The following FAM83D variants were observed in gnomAD, a reference collection of about 807,000 sequenced individuals.
FAM83D encodes scaffolding CK1 anchoring protein D.
Under a neutral mutation model 25.4 loss-of-function variants are expected in FAM83D, and 26 were observed. The ratio of observed to expected loss-of-function variants is 1.02; its 90% CI spans 0.75 to 1.42. FAM83D has a LOEUF of 1.42. Among genes scored for constraint, FAM83D ranks in the 40% most tolerant of loss-of-function variants. The pLI, the probability that FAM83D is intolerant of heterozygous loss-of-function variation, is 0.00. For synonymous variants in FAM83D, 310 were observed against 318.5 expected (o/e 0.97, Z 0.28); for missense variants, 740 against 758.1 (o/e 0.98, Z 0.28).
chr20:38,927,606 C>T (rs552878805), intron 1 of FAM83D, among the ~76,000 whole-genome samples: 1 of 149,392 alleles, frequency 6.7e-6, no homozygotes, highest in Non-Finnish European at 1.5e-5. Context: ...TCAAGTGACT[C>T]TCCTGCCTCA....
At chr20:38,943,024 C>CTTT (rs112144207) in intron 2 of FAM83D, among the ~76,000 whole-genome samples, 2 of 141,788 alleles carry the variant, frequency 1.4e-5, no homozygotes, top group East Asian at 2.0e-4. Context: ...CTGCTCCATG[C>CTTT]TTTTTTTTTT....
intron 3 of FAM83D, among the ~76,000 whole-genome samples, chr20:38,951,059 A>G (rs2085751496): frequency 6.6e-6 from 1 of 152,116 alleles, no homozygotes; most frequent in Non-Finnish European, 1.5e-5. Context: ...CTGACCTCAA[A>G]GGATCTGCCC....
In FAM83D at chr20:38,952,775, A is replaced by T. The variant is rs1436559618; in HGVS notation, c.*255A>T. 2.0e-6 allele frequency: 1 copy of T among 499,528 alleles called. No homozygotes were observed. Among genetic ancestry groups the T allele is most frequent in the African/African-American group, 1.9e-5 (1 of 51,988 alleles). The allele number at this position is 499,528 out of a possible 1,614,324, so 30.9% of individuals were successfully genotyped here. ...TGCACAATTTTAATAGTCATGCACTACATAATGATGTTTTGGTCAATGACA... is the reference window on the plus strand; with the variant it reads ...TGCACAATTTTAATAGTCATGCACTTCATAATGATGTTTTGGTCAATGACA... On this transcript the variant is annotated 3_prime_UTR_variant, in exon 4 of 4. Coordinates refer to ENST00000619850, the MANE Select transcript of FAM83D (RefSeq NM_030919.3).
chr20:38,943,025 T>A (rs555009812), intron 2 of FAM83D, among the ~76,000 whole-genome samples: 1 of 67,682 alleles, frequency 1.5e-5, no homozygotes, highest in Non-Finnish European at 3.3e-5. Context: ...TGCTCCATGC[T>A]TTTTTTTTTT....
chr20:38,948,569 G>A (rs2085739636), intron 3 of FAM83D, among the ~76,000 whole-genome samples: 2 of 152,248 alleles, frequency 1.3e-5, no homozygotes, highest in Non-Finnish European at 2.9e-5. Context: ...CAGGAAGGTT[G>A]AAGAGAGGGT....
At chr20:38,938,542 C>T (rs1424970840) in intron 1 of FAM83D, among the ~76,000 whole-genome samples, 4 of 152,204 alleles carry the variant, frequency 2.6e-5, no homozygotes, top group Non-Finnish European at 5.9e-5. Context: ...CTTTAGCTTT[C>T]TCCTGTGAGC....
chr20:38,926,823 C>T lies in FAM83D; in HGVS notation c.381C>T (p.Gly127=). The T allele has an allele frequency of 6.5e-7, 1 of 1,536,426 alleles. No homozygotes were observed. The highest frequency in any genetic ancestry group is 2.4e-5 in the East Asian group (1 of 40,834). ...CCTTCTACCAGGGCGCCTACCGCGG[C>T]GCCACGCGTGTCGAGACGCACTTCC... ...WPAFYQGAYR[G]ATRVETHFQP... Residue 127 remains glycine, a synonymous_variant, in exon 1 of 4, where the codon GGC becomes GGT. Transcript: ENST00000619850.
At chr20:38,951,443 G>A in intron 3 of FAM83D, 96 bp from the exon 4 acceptor site, 1 of 1,385,528 alleles carries the variant, frequency 7.2e-7, no homozygotes, top group Non-Finnish European at 9.7e-7. Flanking sequence ...ACCCTTATGT[G>A]GTAAGATACC....
chr20:38,951,619 A>G lies in FAM83D; in HGVS notation c.857A>G (p.Glu286Gly). ...CAAGTGGTTGAACACTTTGATCTGG[A>G]GTTCCGAATCCTGTATGCCCAGTCC... Reference protein sequence around the residue: ...SGQVVEHFDLEFRILYAQSKP... With the variant: ...SGQVVEHFDLGFRILYAQSKP... The change falls in exon 4 of 4, where the codon GAG becomes GGG. Residue 286 changes from glutamate (E) to glycine (G), a missense_variant. Glu to Gly is a moderately conservative substitution (Grantham distance 98). Coordinates refer to ENST00000619850, the MANE Select transcript of FAM83D (RefSeq NM_030919.3). 1 of 1,614,200 alleles carries G rather than the reference A, an allele frequency of 6.2e-7. No individual in the cohort carries two copies. Among genetic ancestry groups the G allele is most frequent in the Non-Finnish European group, 8.5e-7 (1 of 1,180,034 alleles).
Position 38,933,425 on chromosome 20 carries a change from C to T in FAM83D, c.483+6500C>T, listed in dbSNP as rs76282572. On this transcript the variant is annotated intron_variant, in intron 1 of 3. Transcript: ENST00000619850. Reference sequence around the variant, plus strand: ...GATGGCAAACTTATCTATTTTACCACAATAAAAAAATGTCTCCAGACATTG... The same window carrying T: ...GATGGCAAACTTATCTATTTTACCATAATAAAAAAATGTCTCCAGACATTG... Among the ~76,000 whole-genome samples, 1,063 of 152,268 alleles carry T rather than the reference C, an allele frequency of 7.0e-3. 11 individuals carry two copies. Among genetic ancestry groups the T allele is most frequent in the African/African-American group, 0.019 (809 of 41,542 alleles).
chr20:38,947,777 C>G, intron 2 of FAM83D, 99 bp from the exon 3 acceptor site: 1 of 1,410,174 alleles, frequency 7.1e-7, no homozygotes, highest in Non-Finnish European at 9.7e-7. Flanking sequence ...ATAATTATAT[C>G]TGGGAATTGT....
At position 38,952,496 on chromosome 20, in the gene FAM83D, A is replaced by G; in HGVS notation, c.1734A>G (p.Val578=). 1 of 1,613,868 alleles carries G rather than the reference A, an allele frequency of 6.2e-7. No homozygotes were observed. Among genetic ancestry groups the G allele is most frequent in the Non-Finnish European group, 8.5e-7 (1 of 1,179,886 alleles). Residue 578 remains valine (V), a synonymous_variant, in exon 4 of 4, where the codon GTA becomes GTG. Transcript: ENST00000619850. ...TTAATTTGCTTGCTGTTAGAGATGT[A>G]GCACTTTATCCTTCCTATCAGTAAC... is the stretch of plus-strand genomic sequence containing the variant. ...SRVNLLAVRD[V]ALYPSYQ is the part of the protein sequence containing the mutation.
At chr20:38,938,996 G>A (rs755722472) in intron 1 of FAM83D, among the ~76,000 whole-genome samples, 4 of 152,202 alleles carry the variant, frequency 2.6e-5, no homozygotes, top group Non-Finnish European at 4.4e-5. Flanking sequence ...GCAATGTGGG[G>A]AAGATTGAAA....
intron 1 of FAM83D, among the ~76,000 whole-genome samples, chr20:38,939,332 C>T (rs1303002918): frequency 6.7e-6 from 1 of 149,552 alleles, no homozygotes; most frequent in African/African-American, 2.5e-5. Flanking sequence ...GAGGAGACAC[C>T]TTGTTTTTGT....
intron 2 of FAM83D, among the ~76,000 whole-genome samples, chr20:38,943,892 A>G (rs1271519348): frequency 6.6e-6 from 1 of 152,112 alleles, no homozygotes; most frequent in African/African-American, 2.4e-5. Context: ...GGGTTTCACC[A>G]TGTTGGTCAG....
Position 38,952,393 on chromosome 20 carries a change from A to C in FAM83D, c.1631A>C (p.His544Pro), listed in dbSNP as rs775629956. ...GCTGGTATCAGGTCCCGGCTCAACC[A>C]CATGCTGGCTATGCTGTCAAGGAGA... ...HFAGIRSRLN[H>P]MLAMLSRRTL... Residue 544 changes from histidine to proline, a missense_variant, in exon 4 of 4, where the codon CAC (histidine) becomes CCC (proline). This residue lies in a region of FAM83D where 375 missense variants were observed against 403.2 expected (regional missense o/e 0.93). Coordinates refer to ENST00000619850, the MANE Select transcript of FAM83D (RefSeq NM_030919.3). The C allele has an allele frequency of 6.2e-7, 1 of 1,614,208 alleles. No individual in the cohort carries two copies. The highest frequency in any genetic ancestry group is 8.5e-7 in the Non-Finnish European group (1 of 1,180,046).
chr20:38,949,665 G>A (rs1250279660), intron 3 of FAM83D, among the ~76,000 whole-genome samples: 4 of 152,172 alleles, frequency 2.6e-5, no homozygotes, highest in Non-Finnish European at 5.9e-5. Context: ...GTACTGACTC[G>A]AAGAACCCGG....
chr20:38,929,790 T>TAA (rs763008692), intron 1 of FAM83D, among the ~76,000 whole-genome samples: 10 of 128,770 alleles, frequency 7.8e-5, no homozygotes, highest in East Asian at 6.6e-4. Flanking sequence ...CCTGTCTCTT[T>TAA]AAAAAAAAAA....
At chr20:38,937,177 A>G (rs1332626141) in intron 1 of FAM83D, among the ~76,000 whole-genome samples, 1 of 152,152 alleles carries the variant, frequency 6.6e-6, no homozygotes, top group East Asian at 1.9e-4. Flanking sequence ...CAAATTGCAA[A>G]TGGGTGTTGA....
Sources: allele counts gnomAD v4.1 joint callset (sites outside exome capture counted in the v4.1 genomes callset), GRCh38; gene constraint gnomAD v4.1.1; regional missense constraint gnomAD v4.1.1; transcripts MANE v1.5; gene names NCBI Gene and HGNC (gene_info 2026-07-23, HGNC 2026-07-21).